Variants in CDC27 observed in about 807,000 individuals in gnomAD.
CDC27 encodes the protein cell division cycle protein 27 homolog.
CDC27 carries 27 observed loss-of-function variants against 109.7 expected under a neutral mutation model. The ratio of observed to expected loss-of-function variants is 0.25; its 90% CI spans 0.18 to 0.34. CDC27 has a LOEUF of 0.34. Among genes scored for constraint, CDC27 ranks in the 10% least tolerant of loss-of-function variants. The pLI is 1.00. For missense variants in CDC27, 579 were observed against 960.2 expected (o/e 0.60, Z 5.25); for synonymous variants, 266 against 333.9 (o/e 0.80, Z 2.22).
At position 47,159,305 on chromosome 17, in the gene CDC27, C is replaced by T. The variant is rs1015073546; in HGVS notation, c.378-1002G>A. ...GAGACTTGGTGAATACAGTCTCCTT[C>T]CAGAGGTCCGGGGTCAGGTAGTTGT... is the stretch of plus-strand genomic sequence containing the variant. On this transcript the variant is annotated intron_variant, in intron 4 of 18. Coordinates refer to ENST00000066544, the MANE Select transcript of CDC27 (RefSeq NM_001256.6). 6 of 639,842 alleles carry T rather than the reference C, an allele frequency of 9.4e-6. No individual in the cohort carries two copies. In the Admixed American group the frequency reaches 1.8e-4, roughly 19 times the overall value. The allele number at this position is 639,842 out of a possible 1,614,324, so 39.6% of individuals were successfully genotyped here.
Position 47,157,256 on chromosome 17 carries a change from G to C in CDC27, c.604C>G (p.Leu202Val). The C allele has an allele frequency of 6.2e-7, 1 of 1,612,302 alleles. No homozygotes were observed. The highest frequency in any genetic ancestry group is 1.1e-5 in the South Asian group (1 of 90,686). The change falls in exon 6 of 19, where the codon CTT (leucine) becomes GTT (valine). Residue 202 changes from leucine to valine, a missense_variant. Transcript: ENST00000066544. ...SLSHRQPETV[L>V]TETPQDTIEL... ...ATTGTGTCCTGGGGTGTTTCCGTAAGAACTGTCTCAGGCTGTCTGTGAGAT... is the reference window on the plus strand; with the variant it reads ...ATTGTGTCCTGGGGTGTTTCCGTAACAACTGTCTCAGGCTGTCTGTGAGAT...
At position 47,185,557 on chromosome 17, in the gene CDC27, T is replaced by C. The variant is rs1475992866; in HGVS notation, c.27+3589A>G. Among the ~76,000 whole-genome samples, 3 of 152,194 alleles carry C rather than the reference T, an allele frequency of 2.0e-5. 1 individual carries two copies. Among genetic ancestry groups the C allele is most frequent in the African/African-American group, 7.2e-5 (3 of 41,446 alleles). On this transcript the variant is annotated intron_variant, in intron 1 of 18. Transcript: ENST00000066544. The stretch of plus-strand genomic sequence containing the variant: ...GTTTACTTGTTTTTGTTAAATTTTT[T>C]ATACATTTTGTGTTCTTGTTTTTGT...
At chr17:47,145,625 G>A (rs2062933334) in intron 9 of CDC27, among the ~76,000 whole-genome samples, 2 of 152,016 alleles carry the variant, frequency 1.3e-5, no homozygotes, top group Non-Finnish European at 1.5e-5. Context: ...CCATGTGGCC[G>A]GGCATGGTGG....
At chr17:47,163,530 A>G (rs114870776) in intron 4 of CDC27, among the ~76,000 whole-genome samples, 1,722 of 152,276 alleles carry the variant, frequency 0.011, 28 homozygotes, top group African/African-American at 0.039. Context: ...GGGAGACCCC[A>G]TATCTACCAA....
intron 12 of CDC27, among the ~76,000 whole-genome samples, chr17:47,140,305 G>A (rs1052308636): frequency 5.3e-5 from 8 of 152,044 alleles, no homozygotes; most frequent in African/African-American, 1.9e-4. Flanking sequence ...GTAGAGACAG[G>A]GTCTCACCAC....
At position 47,118,197 on chromosome 17, in the gene CDC27, T is replaced by A. The variant is rs2061914841; in HGVS notation, c.*2738A>T. 6.6e-6 allele frequency: 1 copy of A among 152,166 alleles called. No individual in the cohort carries two copies. Among genetic ancestry groups the A allele is most frequent in the Non-Finnish European group, 1.5e-5 (1 of 68,022 alleles). The allele number at this position is 152,166 out of a possible 1,614,324, so 9.4% of individuals were successfully genotyped here. A position where few individuals can be genotyped will look rare whatever the true frequency, so the allele number is the denominator to read the frequency against. On this transcript the variant is annotated 3_prime_UTR_variant, in exon 19 of 19. Transcript: ENST00000066544. ...TCTGGCTAATCAGAGACTTCCAAAC[T>A]TTTTTCTTCAAAAAGAGCATTTTTA...
At chr17:47,151,634 A>G (rs2063153659) in intron 9 of CDC27, among the ~76,000 whole-genome samples, 172 bp downstream of exon 9, 1 of 152,160 alleles carries the variant, frequency 6.6e-6, no homozygotes, top group Non-Finnish European at 1.5e-5. Context: ...GCATTACAAA[A>G]CTCAACTCAA....
chr17:47,163,380 T>C (rs2063552128), intron 4 of CDC27, among the ~76,000 whole-genome samples: 2 of 152,210 alleles, frequency 1.3e-5, no homozygotes, highest in Admixed American at 1.3e-4. Context: ...CTTTCAATAC[T>C]CAATCTTTTA....
chr17:47,144,219 C>T (rs1379848396), intron 9 of CDC27, among the ~76,000 whole-genome samples: 1 of 152,026 alleles, frequency 6.6e-6, no homozygotes, highest in Non-Finnish European at 1.5e-5. Flanking sequence ...GGGACTTCAC[C>T]TTGTGATCAT....
At chr17:47,170,206 C>A in intron 3 of CDC27, 164 bp from the exon 4 acceptor site, 1 of 487,786 alleles carries the variant, frequency 2.1e-6, no homozygotes, top group Admixed American at 4.1e-5. Context: ...CTCTGTCTTC[C>A]TTTCTTTAAA....
intron 7 of CDC27, among the ~76,000 whole-genome samples, chr17:47,155,570 T>G (rs1010886193): frequency 6.6e-6 from 1 of 152,220 alleles, no homozygotes; most frequent in East Asian, 1.9e-4. Context: ...ATTTTTCATT[T>G]TGATACTTTT....
rs530289781 is a variant in CDC27 at position 47,167,417 on chromosome 17, T to C, written c.377+2500A>G. ...TACATCACTCCTCTCAAATAATTTG[T>C]AGTCTTTGAACATCTATTTTCCTCT... is the stretch of plus-strand genomic sequence containing the variant. On this transcript the variant is annotated intron_variant, in intron 4 of 18. Transcript: ENST00000066544. Among the ~76,000 whole-genome samples the C allele has an allele frequency of 2.6e-5, 4 of 152,336 alleles. No homozygotes were observed. In the South Asian group the frequency reaches 8.3e-4, roughly 32 times the overall value.
At chr17:47,124,990 T>C (rs1159681972) in intron 16 of CDC27, among the ~76,000 whole-genome samples, 1 of 152,056 alleles carries the variant, frequency 6.6e-6, no homozygotes, top group Non-Finnish European at 1.5e-5. Flanking sequence ...CGATCTCTGC[T>C]CACTGCAACC....
chr17:47,132,741 T>TTTATTATTATTA (rs34229894), intron 14 of CDC27, among the ~76,000 whole-genome samples: 12 of 125,148 alleles, frequency 9.6e-5, no homozygotes, highest in South Asian at 2.7e-4. Flanking sequence ...ATTAAAGCAG[T>TTTATTATTATTA]TTATTATTAT....
chr17:47,149,331 T>C, intron 9 of CDC27, among the ~76,000 whole-genome samples: 1 of 151,172 alleles, frequency 6.6e-6, no homozygotes, highest in African/African-American at 2.4e-5. Flanking sequence ...GCCAACATGG[T>C]GAAACCCCGT....
chr17:47,142,803 C>T (rs551402780), intron 10 of CDC27, among the ~76,000 whole-genome samples: 2 of 152,294 alleles, frequency 1.3e-5, no homozygotes, highest in Admixed American at 1.3e-4. Flanking sequence ...TTCAGCCTCC[C>T]GCGTAACTGA....
In CDC27 at chr17:47,157,394, CAAAA is replaced by C; in HGVS notation, c.476-14_476-11del. The stretch of plus-strand genomic sequence containing the variant: ...GGATCTGGCTTTTCACCTGTGAAGA[CAAAA>C]AAAAAAAAAGTTTGTCTCTGAGGAA... On this transcript the variant is annotated splice_polypyrimidine_tract_variant and intron_variant, in intron 5 of 18. Transcript: ENST00000066544. 3.6e-6 allele frequency: 5 copies of C among 1,398,662 alleles called. No individual in the cohort carries two copies. The highest frequency in any genetic ancestry group is 2.2e-5 in the Admixed American group (1 of 45,004). The allele number at this position is 1,398,662 out of a possible 1,614,324, so 86.6% of individuals were successfully genotyped here.
At chr17:47,179,426 A>C (rs2064141322) in intron 2 of CDC27, among the ~76,000 whole-genome samples, 2 of 152,222 alleles carry the variant, frequency 1.3e-5, no homozygotes, top group African/African-American at 2.4e-5. Flanking sequence ...TGCAAATCAG[A>C]GAAGTGGTAA....
intron 14 of CDC27, among the ~76,000 whole-genome samples, chr17:47,135,571 T>C (rs2062556429): frequency 1.3e-5 from 2 of 152,194 alleles, no homozygotes; most frequent in African/African-American, 2.4e-5. Flanking sequence ...ATGCTAATGA[T>C]AGTGAAAGTG....
Sources: allele counts gnomAD v4.1 joint callset (sites outside exome capture counted in the v4.1 genomes callset), GRCh38; gene constraint gnomAD v4.1.1; transcripts MANE v1.5; gene names NCBI Gene and HGNC (gene_info 2026-07-23, HGNC 2026-07-21).